ST6GALNAC3: variants seen among roughly 807,000 people sequenced by gnomAD.
The protein encoded by ST6GALNAC3 is ST6 N-acetylgalactosaminide alpha-2,6-sialyltransferase 3.
Under a neutral mutation model 32.7 loss-of-function variants are expected in ST6GALNAC3, and 25 were observed. The observed-to-expected ratio is 0.76, with a 90% CI of 0.56 to 1.07. The LOEUF is 1.07. Among genes scored for constraint, ST6GALNAC3 ranks in the 50% least tolerant of loss-of-function variants. The probability of loss-of-function intolerance (pLI) is 0.00; values close to 1 mark genes in which losing one functional copy is unlikely to be tolerated. For missense variants in ST6GALNAC3, 355 were observed against 382.4 expected (o/e 0.93, Z 0.60); for synonymous variants, 129 against 133.1 (o/e 0.97, Z 0.21).
intron 3 of ST6GALNAC3, among the ~76,000 whole-genome samples, chr1:76,519,832 C>G (rs1356261479): frequency 6.6e-6 from 1 of 151,696 alleles, no homozygotes; most frequent in Non-Finnish European, 1.5e-5. Flanking sequence ...TTTTTTATAG[C>G]AGCCAGTTGC....
chr1:76,165,234 C>G (rs756801470), intron 1 of ST6GALNAC3, among the ~76,000 whole-genome samples: 6 of 152,084 alleles, frequency 3.9e-5, no homozygotes, highest in Non-Finnish European at 7.4e-5. Flanking sequence ...GTGTTCTCAT[C>G]ATTTAGCTCC....
chr1:76,587,574 T>G (rs1317129523), intron 3 of ST6GALNAC3, among the ~76,000 whole-genome samples: 1 of 152,214 alleles, frequency 6.6e-6, no homozygotes, highest in African/African-American at 2.4e-5. Context: ...CTTCTAGGCT[T>G]ACTGGTTGAG....
intron 1 of ST6GALNAC3, among the ~76,000 whole-genome samples, chr1:76,297,911 G>T (rs1446099041): frequency 6.6e-6 from 1 of 151,944 alleles, no homozygotes; most frequent in Admixed American, 6.6e-5. Flanking sequence ...CAGAAGAACA[G>T]CTAGGAGAAG....
chr1:76,492,047 G>A (rs189780599), intron 3 of ST6GALNAC3, among the ~76,000 whole-genome samples: 14 of 152,312 alleles, frequency 9.2e-5, no homozygotes, highest in African/African-American at 3.4e-4. Flanking sequence ...GGCATCAGCA[G>A]CATATATTGT....
At chr1:76,083,095 G>A (rs1646919498) in intron 1 of ST6GALNAC3, among the ~76,000 whole-genome samples, 1 of 152,140 alleles carries the variant, frequency 6.6e-6, no homozygotes, top group Admixed American at 6.5e-5. Flanking sequence ...AAACTTCTTT[G>A]GTCAGCTATG....
At chr1:76,217,963 C>G (rs750854845) in intron 1 of ST6GALNAC3, among the ~76,000 whole-genome samples, 1 of 152,000 alleles carries the variant, frequency 6.6e-6, no homozygotes, top group African/African-American at 2.4e-5. Context: ...TTGCAAATTA[C>G]GCTGCTATAA....
intron 3 of ST6GALNAC3, among the ~76,000 whole-genome samples, chr1:76,429,564 T>C (rs1028680160): frequency 2.6e-5 from 4 of 152,160 alleles, no homozygotes; most frequent in Admixed American, 6.6e-5. Flanking sequence ...GAAAAATCAT[T>C]ACATACATCA....
chr1:76,277,355 A>G (rs1659188421), intron 1 of ST6GALNAC3, among the ~76,000 whole-genome samples: 1 of 151,948 alleles, frequency 6.6e-6, no homozygotes, highest in South Asian at 2.1e-4. Context: ...AATGAGACAC[A>G]ATGGAAAGCC....
intron 3 of ST6GALNAC3, among the ~76,000 whole-genome samples, chr1:76,552,544 T>A (rs982979282): frequency 6.6e-6 from 1 of 152,208 alleles, no homozygotes; most frequent in African/African-American, 2.4e-5. Flanking sequence ...TATTCTTGAA[T>A]GAGTTGTTAC....
intron 3 of ST6GALNAC3, among the ~76,000 whole-genome samples, chr1:76,489,683 C>T (rs1327586164): frequency 1.3e-5 from 2 of 152,108 alleles, no homozygotes; most frequent in African/African-American, 4.8e-5. Flanking sequence ...AGCCCTGCTT[C>T]AAGGAGGGGT....
chr1:76,623,373 T>C lies in ST6GALNAC3; in HGVS notation c.624-4079T>C, dbSNP rs188368794. On this transcript the variant is annotated intron_variant, in intron 3 of 4. Transcript: ENST00000328299. ...ACGCCTGCCTTTATTTTCCCCTGCA[T>C]GGCCCATTATTCTGCTGCATTAATT... Among the ~76,000 whole-genome samples, 164 of 152,052 alleles carry C rather than the reference T, an allele frequency of 1.1e-3. 1 individual carries two copies. The highest frequency in any genetic ancestry group is 2.0e-3 in the Admixed American group (31 of 15,260).
intron 1 of ST6GALNAC3, among the ~76,000 whole-genome samples, chr1:76,294,898 T>C (rs1660303680): frequency 6.6e-6 from 1 of 152,128 alleles, no homozygotes; most frequent in South Asian, 2.1e-4. Flanking sequence ...TTTTAGAAGG[T>C]AAAATAATTC....
At chr1:76,603,766 G>A (rs1647354014) in intron 3 of ST6GALNAC3, among the ~76,000 whole-genome samples, 1 of 152,198 alleles carries the variant, frequency 6.6e-6, no homozygotes, top group African/African-American at 2.4e-5. Context: ...TGGAACTCCT[G>A]AGCTCAGGCA....
chr1:76,324,113 C>A (rs1431602609), intron 2 of ST6GALNAC3, among the ~76,000 whole-genome samples: 6 of 152,168 alleles, frequency 3.9e-5, no homozygotes, highest in African/African-American at 1.4e-4. Flanking sequence ...GCCTTGGCCT[C>A]CCAGAGTGCT....
intron 1 of ST6GALNAC3, among the ~76,000 whole-genome samples, chr1:76,096,417 C>T (rs1292351482): frequency 6.6e-6 from 1 of 152,052 alleles, no homozygotes; most frequent in African/African-American, 2.4e-5. Flanking sequence ...CTCTGAAGGC[C>T]ATTTCTTTAA....
At chr1:76,199,241 C>T (rs927641218) in intron 1 of ST6GALNAC3, among the ~76,000 whole-genome samples, 1 of 152,160 alleles carries the variant, frequency 6.6e-6, no homozygotes, top group Non-Finnish European at 1.5e-5. Context: ...AATAGAAGCT[C>T]TGCATCATAA....
intron 3 of ST6GALNAC3, among the ~76,000 whole-genome samples, chr1:76,614,717 T>C (rs1648169143): frequency 2.4e-5 from 1 of 41,466 alleles, no homozygotes; most frequent in Admixed American, 4.2e-4. Context: ...AGACTCCATC[T>C]CAAAAAAAAA....
At chr1:76,601,690 G>A (rs1434837289) in intron 3 of ST6GALNAC3, among the ~76,000 whole-genome samples, 2 of 152,184 alleles carry the variant, frequency 1.3e-5, no homozygotes, top group Non-Finnish European at 2.9e-5. Flanking sequence ...CAGTGGCCAA[G>A]CCAGGGTTCA....
chr1:76,255,624 C>T (rs1657876664), intron 1 of ST6GALNAC3, among the ~76,000 whole-genome samples: 1 of 151,958 alleles, frequency 6.6e-6, no homozygotes, highest in Middle Eastern at 3.2e-3. Flanking sequence ...TGCTACAGTC[C>T]CCACTGCTCC....
Sources: allele counts gnomAD v4.1 joint callset (sites outside exome capture counted in the v4.1 genomes callset), GRCh38; gene constraint gnomAD v4.1.1; transcripts MANE v1.5; gene names NCBI Gene and HGNC (gene_info 2026-07-23, HGNC 2026-07-21).